SOX5: variants seen among roughly 807,000 people sequenced by gnomAD.
SOX5 encodes transcription factor SOX-5.
A neutral mutation model predicts 92.0 loss-of-function variants in SOX5; 9 were observed. That is an observed-to-expected ratio of 0.10 (90% CI 0.06 to 0.17). The LOEUF is 0.17. Among genes scored for constraint, SOX5 ranks in the 10% least tolerant of loss-of-function variants. SOX5 has a pLI of 1.00. For missense variants in SOX5, 642 were observed against 944.5 expected, an observed-to-expected ratio of 0.68 and a Z score of 4.20; for synonymous variants, 344 against 336.3, an observed-to-expected ratio of 1.02 and a Z score of -0.25.
chr12:23,768,770 T>C (rs1184790266), intron 3 of SOX5, among the ~76,000 whole-genome samples: 2 of 152,110 alleles, frequency 1.3e-5, no homozygotes, highest in Admixed American at 6.6e-5. Flanking sequence ...TGCAATAAAT[T>C]TGTAATCATT....
intron 1 of SOX5, among the ~76,000 whole-genome samples, chr12:24,453,541 C>T (rs968162215): frequency 1.3e-5 from 2 of 152,160 alleles, no homozygotes; most frequent in Non-Finnish European, 2.9e-5. Context: ...CCAGGAGAGC[C>T]TCTCCAGTTC....
intron 2 of SOX5, among the ~76,000 whole-genome samples, chr12:23,877,024 T>G (rs10842236): frequency 0.7 from 106,362 of 151,888 alleles, 37,344 homozygotes; most frequent in East Asian, 0.89. Context: ...GGACAGCATT[T>G]GGAGAAATAT....
intron 2 of SOX5, among the ~76,000 whole-genome samples, chr12:24,285,058 G>GGGAGGT (rs1945698264): frequency 6.6e-6 from 1 of 152,098 alleles, no homozygotes; most frequent in South Asian, 2.1e-4. Context: ...CCTTGAACCC[G>GGGAGGT]GGAGGTGGAG....
At position 24,030,473 on chromosome 12, in the gene SOX5, G is replaced by C. The variant is rs375262335; in HGVS notation, c.-1-134449C>G. Reference sequence around the variant, plus strand: ...ATAGTCTCTTCAATGAATAGCACTGGGGGTAACTGCATATCCATATGCAAA... The same window carrying C: ...ATAGTCTCTTCAATGAATAGCACTGCGGGTAACTGCATATCCATATGCAAA... On this transcript the variant is annotated intron_variant, in intron 4 of 4. Coordinates refer to the SOX5 transcript ENST00000446891. 2.3e-4 allele frequency among the ~76,000 whole-genome samples: 35 copies of C among 151,956 alleles called. No individual in the cohort carries two copies. In the South Asian group the frequency reaches 7.2e-3, roughly 31 times the overall value.
chr12:23,679,279 T>C (rs12313087), intron 6 of SOX5, among the ~76,000 whole-genome samples: 2,192 of 152,126 alleles, frequency 0.014, 49 homozygotes, highest in African/African-American at 0.05. Flanking sequence ...CCCAGGACAA[T>C]CAAAGGGGAT....
At chr12:23,969,478 G>A (rs1947973186) in intron 4 of SOX5, among the ~76,000 whole-genome samples, 1 of 152,110 alleles carries the variant, frequency 6.6e-6, no homozygotes, top group African/African-American at 2.4e-5. Flanking sequence ...CTTCCTTATT[G>A]CTACCACGTG....
At chr12:23,769,705 G>A (rs1196131238) in intron 3 of SOX5, among the ~76,000 whole-genome samples, 1 of 152,148 alleles carries the variant, frequency 6.6e-6, no homozygotes, top group East Asian at 1.9e-4. Flanking sequence ...CTACAACTCT[G>A]TGATCTTCTC....
At chr12:24,525,056 A>G (rs944779476) in intron 1 of SOX5, among the ~76,000 whole-genome samples, 1 of 152,202 alleles carries the variant, frequency 6.6e-6, no homozygotes, top group Non-Finnish European at 1.5e-5. Context: ...TATTTATCCA[A>G]ATGAATTAAA....
At position 23,646,984 on chromosome 12, in the gene SOX5, T is replaced by C. The variant is rs1017921122; in HGVS notation, c.932-6087A>G. Among the ~76,000 whole-genome samples, 10 of 152,228 alleles carry C rather than the reference T, an allele frequency of 6.6e-5. No individual in the cohort carries two copies. In the East Asian group the frequency reaches 1.3e-3, roughly 21 times the overall value. Reference sequence around the variant, plus strand: ...TCAATCATTAATGTTCTTAATAGCATTTATAATTGTAAATCTTTTCTAGAA... The same window carrying C: ...TCAATCATTAATGTTCTTAATAGCACTTATAATTGTAAATCTTTTCTAGAA... On this transcript the variant is annotated intron_variant, in intron 7 of 14. Transcript: ENST00000451604.
chr12:24,314,953 C>T (rs1949563533), intron 2 of SOX5, among the ~76,000 whole-genome samples: 2 of 152,214 alleles, frequency 1.3e-5, no homozygotes, highest in South Asian at 4.1e-4. Context: ...ATTATTAATG[C>T]ATCTGCAATG....
intron 1 of SOX5, among the ~76,000 whole-genome samples, chr12:24,408,779 C>T (rs1225654951): frequency 6.6e-6 from 1 of 152,156 alleles, no homozygotes; most frequent in African/African-American, 2.4e-5. Context: ...GATTAATTCA[C>T]ACCGATTAAT....
intron 3 of SOX5, chr12:24,227,201 C>G (rs1448959722): frequency 6.6e-6 from 1 of 152,230 alleles, no homozygotes. Context: ...AGACGTCAGA[C>G]AGCAAGCCCA....
intron 1 of SOX5, among the ~76,000 whole-genome samples, chr12:24,501,629 C>A (rs1212943522): frequency 6.6e-6 from 1 of 152,030 alleles, no homozygotes; most frequent in Non-Finnish European, 1.5e-5. Context: ...AGTTTGAGAC[C>A]AGCCTGGGCA....
intron 4 of SOX5, among the ~76,000 whole-genome samples, chr12:24,016,871 T>A (rs1953687146): frequency 6.6e-6 from 1 of 152,176 alleles, no homozygotes. Flanking sequence ...GCTTCTAGAT[T>A]TTCCGTAGAT....
chr12:24,026,458 G>A (rs929966952), intron 4 of SOX5, among the ~76,000 whole-genome samples: 1 of 151,690 alleles, frequency 6.6e-6, no homozygotes, highest in Non-Finnish European at 1.5e-5. Flanking sequence ...GGCTATGAAT[G>A]TTAAATTGTG....
chr12:23,986,355 C>CA (rs200377982), intron 4 of SOX5, among the ~76,000 whole-genome samples: 131 of 149,704 alleles, frequency 8.8e-4, no homozygotes, highest in East Asian at 2.7e-3. Context: ...AACAAACAAA[C>CA]AAAAAAAAAC....
intron 2 of SOX5, among the ~76,000 whole-genome samples, chr12:24,296,869 T>A (rs980757430): frequency 4.0e-5 from 6 of 151,246 alleles, no homozygotes; most frequent in African/African-American, 1.5e-4. Context: ...CTTTTATTTC[T>A]TAGTATAGTT....
chr12:23,832,676 G>C (rs115158347), intron 3 of SOX5, among the ~76,000 whole-genome samples: 2,424 of 151,878 alleles, frequency 0.016, 65 homozygotes, highest in African/African-American at 0.056. Context: ...AAGTAGGGCA[G>C]TTAGCATTGC....
chr12:23,876,087 G>T (rs957936374), intron 2 of SOX5, among the ~76,000 whole-genome samples: 1 of 152,062 alleles, frequency 6.6e-6, no homozygotes, highest in Non-Finnish European at 1.5e-5. Context: ...ACATTTCTTG[G>T]TATAAACTTT....
Sources: gnomAD v4.1 joint callset for allele counts (sites outside exome capture counted in the v4.1 genomes callset) on GRCh38, gnomAD v4.1.1 for gene constraint, MANE v1.5 for transcripts, NCBI Gene and HGNC (gene_info 2026-07-23, HGNC 2026-07-21) for gene names.